LOC400499: variants seen among roughly 807,000 people sequenced by gnomAD.
At chr16:11,400,384 C>T in the LOC400499 span, among the ~76,000 whole-genome samples, 1 of 152,138 alleles carries the variant, frequency 6.6e-6, no homozygotes, top group African/African-American at 2.4e-5. Context: ...TCACTGACCA[C>T]CCACCTTACA....
the LOC400499 span, chr16:11,448,932 C>T: frequency 1.3e-6 from 2 of 1,486,534 alleles, no homozygotes; most frequent in Non-Finnish European, 1.8e-6. Flanking sequence ...CTCCAGGTGC[C>T]TGTAGGCCGC....
the LOC400499 span, among the ~76,000 whole-genome samples, chr16:11,500,184 A>G: frequency 1.3e-5 from 2 of 152,146 alleles, no homozygotes; most frequent in African/African-American, 2.4e-5. Flanking sequence ...TAAGACCAGG[A>G]TAGAGGTACC....
the LOC400499 span, among the ~76,000 whole-genome samples, chr16:11,477,167 C>T: frequency 1.2e-4 from 19 of 152,224 alleles, no homozygotes; most frequent in Non-Finnish European, 2.6e-4. Flanking sequence ...GGTGAAAGCA[C>T]CTGCCTGGGT....
At chr16:11,413,232 C>T in the LOC400499 span, among the ~76,000 whole-genome samples, 4 of 152,146 alleles carry the variant, frequency 2.6e-5, no homozygotes, top group Non-Finnish European at 5.9e-5. Context: ...TCCCTGTCAC[C>T]TGACCTCGAG....
chr16:11,484,438 G>A, the LOC400499 span, among the ~76,000 whole-genome samples: 62 of 152,274 alleles, frequency 4.1e-4, 1 homozygote, highest in East Asian at 9.8e-3. Context: ...CCTTAACCAT[G>A]TACTAGTGTT....
At chr16:11,383,675 CACGGGCACACAGGTGGATGTAG>C in the LOC400499 span, 1 of 1,232,288 alleles carries the variant, frequency 8.1e-7, no homozygotes, top group Non-Finnish European at 1.0e-6. Context: ...GGTACGAATC[CACGGGCACACAGGTGGATGTAG>C]GCGGCCGCCA....
At chr16:11,379,740 G>A in the LOC400499 span, among the ~76,000 whole-genome samples, 1 of 152,180 alleles carries the variant, frequency 6.6e-6, no homozygotes, top group Non-Finnish European at 1.5e-5. Context: ...TGCTTTCTCT[G>A]TCATTTCGTC....
the LOC400499 span, among the ~76,000 whole-genome samples, chr16:11,492,183 G>A: frequency 6.6e-6 from 1 of 152,078 alleles, no homozygotes; most frequent in Non-Finnish European, 1.5e-5. Flanking sequence ...GGCCTTCCTA[G>A]GCAATTCCTA....
the LOC400499 span, among the ~76,000 whole-genome samples, chr16:11,387,638 A>ATTTTTTTTG: frequency 0.68 from 102,680 of 151,394 alleles, 37,579 homozygotes; most frequent in Non-Finnish European, 0.81. Flanking sequence ...GGTCTAGGAA[A>ATTTTTTTTG]TTTTGTTTTT....
the LOC400499 span, among the ~76,000 whole-genome samples, chr16:11,444,641 C>G: frequency 2.0e-5 from 3 of 152,146 alleles, no homozygotes; most frequent in Non-Finnish European, 4.4e-5. Context: ...TGCTCTGGAT[C>G]CTGGCATGCA....
chr16:11,400,700 C>T, the LOC400499 span, among the ~76,000 whole-genome samples: 2 of 152,226 alleles, frequency 1.3e-5, no homozygotes, highest in African/African-American at 4.8e-5. Flanking sequence ...CTCGGCCTCC[C>T]TCAGTGCTGG....
At chr16:11,518,846 CA>C in the LOC400499 span, 1 of 399,158 alleles carries the variant, frequency 2.5e-6, no homozygotes, top group Admixed American at 4.4e-5. Context: ...GCAGAGGGCT[CA>C]CAGCTCCAGC....
chr16:11,482,765 G>A, the LOC400499 span, among the ~76,000 whole-genome samples: 11 of 151,854 alleles, frequency 7.2e-5, no homozygotes, highest in African/African-American at 2.7e-4. Context: ...TGGCAGTACT[G>A]CCTATAGTCC....
the LOC400499 span, chr16:11,398,620 T>G: frequency 3.6e-6 from 3 of 828,680 alleles, no homozygotes; most frequent in Non-Finnish European, 4.8e-6. Flanking sequence ...GAATGTGCCG[T>G]CAGAGCTCTC....
chr16:11,466,990 C>G, the LOC400499 span, among the ~76,000 whole-genome samples: 1 of 151,936 alleles, frequency 6.6e-6, no homozygotes, highest in Non-Finnish European at 1.5e-5. Context: ...TCTTGCTCTG[C>G]TACCCAAACT....
At chr16:11,520,664 CAAAAAAAAAAA>C in the LOC400499 span, among the ~76,000 whole-genome samples, 8 of 63,152 alleles carry the variant, frequency 1.3e-4, no homozygotes, top group African/African-American at 2.3e-4. Flanking sequence ...GAGACTCCAT[CAAAAAAAAAAA>C]AAAAAAAAAA....
At chr16:11,423,899 G>A in the LOC400499 span, among the ~76,000 whole-genome samples, 1 of 152,224 alleles carries the variant, frequency 6.6e-6, no homozygotes, top group Non-Finnish European at 1.5e-5. Flanking sequence ...CTGCAGCCCC[G>A]AGAGGCCATG....
the LOC400499 span, chr16:11,399,847 A>G: frequency 2.5e-6 from 1 of 398,700 alleles, no homozygotes; most frequent in Non-Finnish European, 4.4e-6. Flanking sequence ...GTGGTGGGGA[A>G]AGGGGGACAT....
the LOC400499 span, among the ~76,000 whole-genome samples, chr16:11,506,378 G>T: frequency 6.6e-6 from 1 of 152,190 alleles, no homozygotes; most frequent in Non-Finnish European, 1.5e-5. Context: ...GGGACATCCG[G>T]AAGTCTACTC....
Sources: allele counts gnomAD v4.1 joint callset (sites outside exome capture counted in the v4.1 genomes callset), GRCh38; gene constraint gnomAD v4.1.1; transcripts MANE v1.5.